USP37: variants seen among roughly 807,000 people sequenced by gnomAD.
USP37 encodes the protein ubiquitin specific peptidase 37, also known as ubiquitin carboxyl-terminal hydrolase 37.
USP37 carries 27 observed loss-of-function variants against 124.0 expected under a neutral mutation model. The ratio of observed to expected loss-of-function variants is 0.22; its 90% CI spans 0.16 to 0.30. USP37 has a LOEUF of 0.30. USP37 is among the 10% of genes least tolerant of loss of function. The pLI, the probability that USP37 is intolerant of heterozygous loss-of-function variation, is 1.00. For missense variants in USP37, 889 were observed against 1,140.4 expected, an observed-to-expected ratio of 0.78 and a Z score of 3.17; for synonymous variants, 365 against 388.0, an observed-to-expected ratio of 0.94 and a Z score of 0.70.
intron 14 of USP37, among the ~76,000 whole-genome samples, chr2:218,489,946 G>T (rs547171849): frequency 1.3e-5 from 2 of 152,136 alleles, no homozygotes; most frequent in African/African-American, 4.8e-5. Context: ...CTGCATTTTC[G>T]TTGTTGTATA....
chr2:218,493,968 C>T (rs1380261961), intron 14 of USP37, among the ~76,000 whole-genome samples: 4 of 152,312 alleles, frequency 2.6e-5, no homozygotes, highest in Non-Finnish European at 2.9e-5. Context: ...CTTTGACTTG[C>T]ACAAATTTTG....
chr2:218,567,197 A>G (rs1693659489), intron 1 of USP37, among the ~76,000 whole-genome samples: 1 of 152,224 alleles, frequency 6.6e-6, no homozygotes, highest in South Asian at 2.1e-4. Flanking sequence ...ACAAGTGAGT[A>G]CTTTTATATC....
intron 10 of USP37, among the ~76,000 whole-genome samples, chr2:218,527,124 G>A (rs1441360788): frequency 1.3e-5 from 2 of 152,090 alleles, no homozygotes; most frequent in Non-Finnish European, 2.9e-5. Flanking sequence ...TATATTCCAC[G>A]ATCAAGCCTT....
At chr2:218,463,156 G>A in intron 22 of USP37, 150 bp downstream of exon 22, 1 of 818,392 alleles carries the variant, frequency 1.2e-6, no homozygotes, top group Non-Finnish European at 1.9e-6. Context: ...GACAGAGTGA[G>A]AGGCTCTCCC....
At chr2:218,559,139 G>A (rs920706608) in intron 3 of USP37, among the ~76,000 whole-genome samples, 24 of 151,764 alleles carry the variant, frequency 1.6e-4, no homozygotes, top group Non-Finnish European at 2.6e-4. Context: ...AGGCTCTATC[G>A]CTACAAAAAA....
chr2:218,474,751 A>G lies in USP37; in HGVS notation c.2178T>C (p.His726=). ...TGCTAGTTGGCTTATCATCATCTTC[A>G]TGACTCAGAGATGGTGAAGCATCTC... is the stretch of plus-strand genomic sequence containing the variant. ...SKRDASPSLS[H]EDDDKPTSSP... Residue 726 remains histidine (H), a synonymous_variant, in exon 20 of 26, where the codon CAT becomes CAC. Coordinates refer to ENST00000258399, the MANE Select transcript of USP37 (RefSeq NM_020935.3). 3.7e-6 allele frequency: 6 copies of G among 1,614,102 alleles called. No individual in the cohort carries two copies. The highest frequency in any genetic ancestry group is 4.2e-6 in the Non-Finnish European group (5 of 1,180,018).
At position 218,497,856 on chromosome 2, in the gene USP37, G is replaced by A; in HGVS notation, c.1159C>T (p.Arg387Cys). The A allele has an allele frequency of 1.9e-6, 3 of 1,611,822 alleles. No homozygotes were observed. The highest frequency in any genetic ancestry group is 2.5e-6 in the Non-Finnish European group (3 of 1,179,336). The change falls in exon 13 of 26, where the codon CGC becomes TGC. Residue 387 changes from arginine to cysteine, a missense_variant and splice_region_variant. Transcript: ENST00000258399. Reference sequence around the variant, plus strand: ...TTTTTAACAAGCAAGTGTGCAAAGCGTCTAGTAAAACAAAAAACACAAAGT... The same window carrying A: ...TTTTTAACAAGCAAGTGTGCAAAGCATCTAGTAAAACAAAAAACACAAAGT... ...KKIPLNALIR[R>C]FAHLLVKKDI...
chr2:218,535,700 C>T (rs1029381126), intron 8 of USP37, among the ~76,000 whole-genome samples: 2 of 151,786 alleles, frequency 1.3e-5, no homozygotes, highest in Admixed American at 1.3e-4. Context: ...ACTAAAAATA[C>T]AATAATTAGC....
At position 218,553,579 on chromosome 2, in the gene USP37, G is replaced by C. The variant is rs1692783726; in HGVS notation, c.302C>G (p.Ala101Gly). 6.2e-7 allele frequency: 1 copy of C among 1,613,432 alleles called. No individual in the cohort carries two copies. Among genetic ancestry groups the C allele is most frequent in the South Asian group, 1.1e-5 (1 of 91,016 alleles). Residue 101 changes from alanine to glycine, a missense_variant, in exon 5 of 26, where the codon GCA becomes GGA. Physicochemically the swap from Ala to Gly is moderately conservative, Grantham distance 60 (BLOSUM62 0). Coordinates refer to ENST00000258399, the MANE Select transcript of USP37 (RefSeq NM_020935.3). The stretch of plus-strand genomic sequence containing the variant: ...TGCAGGAAGTCTGTTTTGATGGACT[G>C]CATCTAGAAACAACCTCATTTCCTC... ...DAEEMRLFLD[A>G]VHQNRLPAAM...
In USP37 at chr2:218,524,757, G is replaced by A. The variant is rs534949516; in HGVS notation, c.863+5199C>T. ...CCTGAGTAGCTGGGACTACAGGCAC[G>A]CACCACCACGCCTGCCTAATTTTTG... On this transcript the variant is annotated intron_variant, in intron 10 of 25. Coordinates refer to ENST00000258399, the MANE Select transcript of USP37 (RefSeq NM_020935.3). Among the ~76,000 whole-genome samples, 6 of 152,244 alleles carry A rather than the reference G, an allele frequency of 3.9e-5. No homozygotes were observed. The South Asian group carries it at 6.2e-4, about 16-fold the overall frequency.
chr2:218,536,487 G>A (rs1406825299), intron 8 of USP37, among the ~76,000 whole-genome samples: 3 of 152,184 alleles, frequency 2.0e-5, no homozygotes, highest in Non-Finnish European at 2.9e-5. Context: ...ACAAGGCCGG[G>A]CGCTACAGTA....
At chr2:218,521,461 A>AT (rs1219712891) in intron 10 of USP37, among the ~76,000 whole-genome samples, 1 of 152,020 alleles carries the variant, frequency 6.6e-6, no homozygotes, top group African/African-American at 2.4e-5. Flanking sequence ...CATGCATTAC[A>AT]TATTTGTCCT....
chr2:218,546,959 A>G lies in USP37; in HGVS notation c.562T>C (p.Ser188Pro), dbSNP rs771604268. 3.1e-6 allele frequency: 5 copies of G among 1,612,618 alleles called. No homozygotes were observed. In the African/African-American group the frequency reaches 5.3e-5, roughly 17 times the overall value. Residue 188 changes from serine to proline, a missense_variant, in exon 7 of 26, where the codon TCT (serine) becomes CCT (proline). Physicochemically the swap from Ser to Pro is moderately conservative, Grantham distance 74. This residue lies in a region of USP37 where 374 missense variants were observed against 386.0 expected (regional missense o/e 0.97). Transcript: ENST00000258399. Reference protein sequence around the residue: ...GIARTIPSLTSTSTPLRSGLL... With the variant: ...GIARTIPSLTPTSTPLRSGLL... ...CCTGATCTAAGAGGTGTTGAAGTAGATGTCAAAGAAGGAATCGTCCGAGCT... is the reference window on the plus strand; with the variant it reads ...CCTGATCTAAGAGGTGTTGAAGTAGGTGTCAAAGAAGGAATCGTCCGAGCT...
chr2:218,551,952 C>T (rs1240101312), intron 5 of USP37, among the ~76,000 whole-genome samples: 1 of 152,120 alleles, frequency 6.6e-6, no homozygotes. Context: ...GCCACCATGC[C>T]TGGCTAATTT....
At chr2:218,497,076 T>C (rs1689121971) in intron 13 of USP37, among the ~76,000 whole-genome samples, 2 of 152,138 alleles carry the variant, frequency 1.3e-5, no homozygotes, top group African/African-American at 4.8e-5. Flanking sequence ...ATTTGTTTTA[T>C]TTTTATTTTT....
At chr2:218,542,619 G>A (rs563205034) in intron 8 of USP37, among the ~76,000 whole-genome samples, 2 of 152,142 alleles carry the variant, frequency 1.3e-5, no homozygotes, top group South Asian at 4.2e-4. Flanking sequence ...TATTGGCAGT[G>A]ACAGCACGGT....
rs1362828624 is a variant in USP37, at chr2:218,453,293, CA to C, written c.*1636del. 1 of 151,704 alleles carries C rather than the reference CA, an allele frequency of 6.6e-6. No individual in the cohort carries two copies. Among genetic ancestry groups the C allele is most frequent in the Non-Finnish European group, 1.5e-5 (1 of 67,952 alleles). The allele number at this position is 151,704 out of a possible 1,614,324, so 9.4% of individuals were successfully genotyped here. A position where few individuals can be genotyped will look rare whatever the true frequency, so the allele number is the denominator to read the frequency against. On this transcript the variant is annotated 3_prime_UTR_variant, in exon 26 of 26. Coordinates refer to ENST00000258399, the MANE Select transcript of USP37 (RefSeq NM_020935.3). ...CGTTTTTTTTAATGAGATGGAGTCT[CA>C]CTCTGTCACTCAGACTGCAGTGCAA...
At chr2:218,509,335 T>C (rs1689851282) in intron 11 of USP37, among the ~76,000 whole-genome samples, 1 of 152,208 alleles carries the variant, frequency 6.6e-6, no homozygotes, top group Non-Finnish European at 1.5e-5. Flanking sequence ...CTTATTTTAT[T>C]CATAAAACCA....
In USP37 at chr2:218,463,350, T is replaced by G; in HGVS notation, c.2483A>C (p.Lys828Thr). 1 of 1,614,064 alleles carries G rather than the reference T, an allele frequency of 6.2e-7. No individual in the cohort carries two copies. The highest frequency in any genetic ancestry group is 1.1e-5 in the South Asian group (1 of 91,080). The change falls in exon 22 of 26, where the codon AAA becomes ACA. Residue 828 changes from lysine (K) to threonine (T), a missense_variant. Coordinates refer to ENST00000258399, the MANE Select transcript of USP37 (RefSeq NM_020935.3). ...SLQEQEAWEQ[K>T]EDDDLKRATE... ...AGCTCTTTTGAGGTCATCATCTTCT[T>G]TCTGTTCCCAAGCCTCCTAAAGGGA... is the stretch of plus-strand genomic sequence containing the variant.
Sources: allele counts gnomAD v4.1 joint callset (sites outside exome capture counted in the v4.1 genomes callset), GRCh38; gene constraint gnomAD v4.1.1; regional missense constraint gnomAD v4.1.1; transcripts MANE v1.5; gene names NCBI Gene and HGNC (gene_info 2026-07-23, HGNC 2026-07-21).